ZNF600: variants seen among roughly 807,000 people sequenced by gnomAD.
ZNF600 encodes the protein zinc finger protein KR-ZNF1.
Under a neutral mutation model 7.3 loss-of-function variants are expected in ZNF600, and 4 were observed. The ratio of observed to expected loss-of-function variants is 0.55; its 90% confidence interval spans 0.27 to 1.25. The LOEUF (loss-of-function observed/expected upper bound fraction) is 1.25. ZNF600 is among the 50% of genes most tolerant of loss of function. The pLI is 0.12. For missense variants in ZNF600, 911 were observed against 922.1 expected, an observed-to-expected ratio of 0.99 and a Z score of 0.16; for synonymous variants, 290 against 308.9, an observed-to-expected ratio of 0.94 and a Z score of 0.64.
At chr19:52,809,861 TG>T in the ZNF600 span, 1 of 649,800 alleles carries the variant, frequency 1.5e-6, no homozygotes, top group Non-Finnish European at 2.7e-6. Context: ...GCAGTAGCAC[TG>T]GGCCTGCGGG....
upstream of ZNF600, among the ~76,000 whole-genome samples, chr19:52,790,083 T>G (rs1342459707): frequency 5.3e-5 from 8 of 152,170 alleles, no homozygotes; most frequent in Admixed American, 5.2e-4. Context: ...ACACTTCTTT[T>G]GTGGTGGAAT....
At chr19:52,780,868 C>G (rs2062714932) in intron 1 of ZNF600, 1 of 152,144 alleles carries the variant, frequency 6.6e-6, no homozygotes, top group African/African-American at 2.4e-5. Flanking sequence ...AAAATACATG[C>G]TGTCAAGTTC....
chr19:52,782,484 T>C (rs1045271947), intron 1 of ZNF600, among the ~76,000 whole-genome samples: 3 of 151,666 alleles, frequency 2.0e-5, no homozygotes, highest in East Asian at 3.9e-4. Context: ...CATCACGCCA[T>C]TGCACTTCAG....
the ZNF600 span, among the ~76,000 whole-genome samples, chr19:52,807,067 C>G: frequency 6.6e-6 from 1 of 152,222 alleles, no homozygotes; most frequent in East Asian, 1.9e-4. Flanking sequence ...AGCTTCCACT[C>G]TGCCCATCTG....
At chr19:52,800,594 G>A in the ZNF600 span, 5 of 1,613,490 alleles carry the variant, frequency 3.1e-6, no homozygotes, top group African/African-American at 6.7e-5. Context: ...CAAAAGCCTT[G>A]TCACAAACCT....
chr19:52,823,923 C>A, the ZNF600 span, among the ~76,000 whole-genome samples: 1 of 151,872 alleles, frequency 6.6e-6, no homozygotes, highest in Non-Finnish European at 1.5e-5. Flanking sequence ...ATTAGCCTGG[C>A]CTGTTGGCAT....
chr19:52,802,777 T>C, the ZNF600 span, among the ~76,000 whole-genome samples: 1 of 150,864 alleles, frequency 6.6e-6, no homozygotes, highest in African/African-American at 2.5e-5. Flanking sequence ...TTTTTTTTTT[T>C]TGCGACGAAA....
the ZNF600 span, among the ~76,000 whole-genome samples, chr19:52,808,532 G>A: frequency 6.6e-6 from 1 of 151,878 alleles, no homozygotes; most frequent in African/African-American, 2.4e-5. Context: ...AGCTACGCAG[G>A]AGGCTGAGGC....
At chr19:52,824,363 G>T in the ZNF600 span, among the ~76,000 whole-genome samples, 24 of 152,140 alleles carry the variant, frequency 1.6e-4, no homozygotes, top group African/African-American at 5.3e-4. Flanking sequence ...GACTGGTCGC[G>T]GTGGCTCATG....
At chr19:52,791,913 T>A in the ZNF600 span, among the ~76,000 whole-genome samples, 1 of 152,206 alleles carries the variant, frequency 6.6e-6, no homozygotes, top group Non-Finnish European at 1.5e-5. Context: ...GATCACAGGC[T>A]GAGCTCAGCC....
the ZNF600 span, chr19:52,800,913 T>C: frequency 3.7e-6 from 6 of 1,614,146 alleles, no homozygotes; most frequent in Non-Finnish European, 5.1e-6. Context: ...AAGGTGTGAT[T>C]TGCGACTGAA....
At chr19:52,815,274 G>A in the ZNF600 span, among the ~76,000 whole-genome samples, 2 of 145,180 alleles carry the variant, frequency 1.4e-5, no homozygotes, top group Non-Finnish European at 3.0e-5. Context: ...TCAGCACTTT[G>A]GGAGGCTGAG....
the ZNF600 span, chr19:52,801,165 C>G: frequency 6.2e-7 from 1 of 1,614,000 alleles, no homozygotes; most frequent in Non-Finnish European, 8.5e-7. Context: ...TAAAAGTGAG[C>G]TACAATTAAA....
At chr19:52,833,198 T>C in the ZNF600 span, among the ~76,000 whole-genome samples, 1,317 of 152,326 alleles carry the variant, frequency 8.6e-3, 14 homozygotes, top group Non-Finnish European at 0.012. Context: ...ATTTCATATG[T>C]AGTTTCTCTG....
the ZNF600 span, among the ~76,000 whole-genome samples, chr19:52,831,156 A>G: frequency 6.6e-6 from 1 of 152,180 alleles, no homozygotes; most frequent in African/African-American, 2.4e-5. Flanking sequence ...ACACAAAATG[A>G]GTAAAGTCTA....
At chr19:52,769,082 A>G (rs2062611870) in intron 3 of ZNF600, among the ~76,000 whole-genome samples, 1 of 152,158 alleles carries the variant, frequency 6.6e-6, no homozygotes, top group Admixed American at 6.5e-5. Flanking sequence ...GTCTGGGAAG[A>G]TGCCCGTTGC....
At chr19:52,773,248 G>A (rs1264878763) in intron 3 of ZNF600, among the ~76,000 whole-genome samples, 1 of 152,122 alleles carries the variant, frequency 6.6e-6, no homozygotes, top group Non-Finnish European at 1.5e-5. Context: ...TCTTGAGCTT[G>A]GAAGAAAGTG....
chr19:52,793,799 CACACACACACACACACACAA>C, the ZNF600 span, among the ~76,000 whole-genome samples: 14 of 98,912 alleles, frequency 1.4e-4, no homozygotes, highest in African/African-American at 5.3e-4. Context: ...CACACACACA[CACACACACACACACACACAA>C]AAGTGATGTA....
At chr19:52,796,921 G>A in the ZNF600 span, among the ~76,000 whole-genome samples, 6 of 151,970 alleles carry the variant, frequency 3.9e-5, no homozygotes, top group Non-Finnish European at 7.4e-5. Context: ...TTTTATTTTG[G>A]TGCAAAAAAT....
Sources: gnomAD v4.1 joint callset for allele counts (sites outside exome capture counted in the v4.1 genomes callset) on GRCh38, gnomAD v4.1.1 for gene constraint, MANE v1.5 for transcripts, NCBI Gene and HGNC (gene_info 2026-07-23, HGNC 2026-07-21) for gene names.